CENPE: variants seen among roughly 807,000 people sequenced by gnomAD.
CENPE encodes centromere-associated protein E.
Under a neutral mutation model 336.1 loss-of-function variants are expected in CENPE, and 145 were observed. The ratio of observed to expected loss-of-function variants is 0.43; its 90% CI spans 0.38 to 0.50. The LOEUF is 0.50. CENPE is among the 20% of genes least tolerant of loss of function. The probability of loss-of-function intolerance (pLI) is 0.00; values close to 1 mark genes in which losing one functional copy is unlikely to be tolerated. For synonymous variants in CENPE, 1,013 were observed against 984.8 expected, an observed-to-expected ratio of 1.03 and a Z score of -0.54; for missense variants, 2,719 against 3,023.3, an observed-to-expected ratio of 0.90 and a Z score of 2.36.
intron 8 of CENPE, among the ~76,000 whole-genome samples, chr4:103,188,451 C>T (rs928764448): frequency 7.9e-5 from 12 of 152,142 alleles, no homozygotes; most frequent in Non-Finnish European, 1.6e-4. Context: ...TCTCTCAGAC[C>T]ACAGTGCAAT....
intron 3 of CENPE, 44 bp downstream of exon 3, chr4:103,196,119 C>A: frequency 6.3e-7 from 1 of 1,586,024 alleles, no homozygotes; most frequent in Non-Finnish European, 8.7e-7. Flanking sequence ...GTTGCACAGA[C>A]GCCCAAGACT....
At chr4:103,171,618 A>G (rs1318536326) in intron 16 of CENPE, among the ~76,000 whole-genome samples, 3 of 151,926 alleles carry the variant, frequency 2.0e-5, no homozygotes, top group Non-Finnish European at 4.4e-5. Context: ...AACAAGAACA[A>G]ACTAAACCCC....
At position 103,147,648 on chromosome 4, in the gene CENPE, T is replaced by G. The variant is rs1753171072; in HGVS notation, c.3844-2A>C. 1 of 1,599,548 alleles carries G rather than the reference T, an allele frequency of 6.3e-7. No individual in the cohort carries two copies. Among genetic ancestry groups the G allele is most frequent in the Non-Finnish European group, 8.5e-7 (1 of 1,175,662 alleles). On this transcript the variant is annotated splice_acceptor_variant, in intron 28 of 48. Coordinates refer to ENST00000265148, the MANE Select transcript of CENPE (RefSeq NM_001813.3). LOFTEE classifies it high-confidence loss of function. ...TTGTTCCTCATGAAGCACTGGGATC[T>G]TAGGACATTCATAAAATACCAAGGT... is the stretch of plus-strand genomic sequence containing the variant.
intron 9 of CENPE, among the ~76,000 whole-genome samples, chr4:103,183,968 T>C (rs1756538286): frequency 6.6e-6 from 1 of 152,220 alleles, no homozygotes; most frequent in Non-Finnish European, 1.5e-5. Flanking sequence ...TTTTCATTCT[T>C]TTTTAAAGTA....
intron 38 of CENPE, among the ~76,000 whole-genome samples, chr4:103,139,523 TAA>T (rs1002073571): frequency 6.6e-6 from 1 of 152,012 alleles, no homozygotes; most frequent in African/African-American, 2.4e-5. Context: ...ATCTCTTGAT[TAA>T]AAAAAACTTT....
chr4:103,154,849 G>T (rs1337700997), intron 24 of CENPE, among the ~76,000 whole-genome samples: 1 of 152,074 alleles, frequency 6.6e-6, no homozygotes, highest in Non-Finnish European at 1.5e-5. Context: ...TAAAAATACT[G>T]CATTTCCAGA....
In CENPE at chr4:103,147,588, G is replaced by C; in HGVS notation, c.3902C>G (p.Thr1301Ser). 1 of 1,613,678 alleles carries C rather than the reference G, an allele frequency of 6.2e-7. No homozygotes were observed. Among genetic ancestry groups the C allele is most frequent in the Non-Finnish European group, 8.5e-7 (1 of 1,179,996 alleles). Residue 1301 changes from threonine (T) to serine (S), a missense_variant, in exon 29 of 49, where the codon ACT (threonine) becomes AGT (serine). Physicochemically the swap from Thr to Ser is moderately conservative, Grantham distance 58. This residue lies in a region of CENPE where 2,437 missense variants were observed against 2,513.3 expected (regional missense o/e 0.97). Coordinates refer to ENST00000265148, the MANE Select transcript of CENPE (RefSeq NM_001813.3). The part of the protein sequence containing the change: ...LLPNVKEVSE[T>S]QETMNELELL... ...CTCCAGTTCATTCATTGTTTCCTGA[G>C]TCTCACTGACTTCTTTCACATTAGG...
At chr4:103,133,136 T>A (rs1036924722) in intron 41 of CENPE, among the ~76,000 whole-genome samples, 1 of 151,992 alleles carries the variant, frequency 6.6e-6, no homozygotes. Flanking sequence ...ATACATGATG[T>A]AACAGATTGT....
rs551747890 is a variant in CENPE, at chr4:103,127,310, G to A, written c.6925-4221C>T. ...GCTATTCAAGCTAGAAGACAGTGGA[G>A]TGAAAAAACATACTAACCTATAATT... On this transcript the variant is annotated intron_variant, in intron 42 of 48. Transcript: ENST00000265148. Among the ~76,000 whole-genome samples, 32 of 152,200 alleles carry A rather than the reference G, an allele frequency of 2.1e-4. 1 individual carries two copies. The South Asian group carries it at 6.4e-3, about 31-fold the overall frequency.
At chr4:103,160,903 G>A in intron 20 of CENPE, 124 bp from the exon 21 acceptor site, 1 of 986,548 alleles carries the variant, frequency 1.0e-6, no homozygotes, top group Non-Finnish European at 1.5e-6. Flanking sequence ...AATCCCTTAT[G>A]ATTTGAAACC....
chr4:103,108,884 A>C lies in CENPE; in HGVS notation c.7930T>G (p.Phe2644Val). The C allele has an allele frequency of 1.2e-6, 2 of 1,613,956 alleles. No homozygotes were observed. Among genetic ancestry groups the C allele is most frequent in the Non-Finnish European group, 8.5e-7 (1 of 1,179,856 alleles). ...AAAGACTTTGATCGGCTATCAAAAAAACAAGATTTTGGTGATTCCTTTGGC... is the reference window on the plus strand; with the variant it reads ...AAAGACTTTGATCGGCTATCAAAAACACAAGATTTTGGTGATTCCTTTGGC... ...PVPKESPKSC[F>V]FDSRSKSLPS... Residue 2644 changes from phenylalanine to valine, a missense_variant, in exon 48 of 49, where the codon TTT becomes GTT. By Grantham distance (50) the Phe-to-Val change is conservative. This residue lies in a region of CENPE where 2,437 missense variants were observed against 2,513.3 expected (regional missense o/e 0.97). Transcript: ENST00000265148.
chr4:103,133,790 G>A lies in CENPE; in HGVS notation c.6625C>T (p.Leu2209=). 1 of 1,609,134 alleles carries A rather than the reference G, an allele frequency of 6.2e-7. No individual in the cohort carries two copies. The highest frequency in any genetic ancestry group is 1.3e-5 in the African/African-American group (1 of 74,910). The part of the protein sequence containing the change: ...IDEVEKQKEL[L]IKIQHLQQDC... ...TGTTGAAGGTGCTGTATTTTAATTA[G>A]CAATTCCTTTTGCTTTTCCACTTCA... The change falls in exon 41 of 49, where the codon CTA becomes TTA. Residue 2209 remains leucine, a synonymous_variant. Coordinates refer to ENST00000265148, the MANE Select transcript of CENPE (RefSeq NM_001813.3).
chr4:103,109,179 G>T (rs1749170822), intron 47 of CENPE, 90 bp from the exon 48 acceptor site: 2 of 986,872 alleles, frequency 2.0e-6, no homozygotes, highest in South Asian at 2.2e-5. Flanking sequence ...AAAATAAATT[G>T]TGATGAAATA....
intron 16 of CENPE, among the ~76,000 whole-genome samples, chr4:103,169,921 G>A (rs539435951): frequency 2.0e-5 from 3 of 152,292 alleles, no homozygotes; most frequent in African/African-American, 4.8e-5. Flanking sequence ...AAGGAAATGT[G>A]GCACATATAC....
At chr4:103,130,476 A>G (rs1751490122) in intron 42 of CENPE, among the ~76,000 whole-genome samples, 1 of 152,212 alleles carries the variant, frequency 6.6e-6, no homozygotes, top group South Asian at 2.1e-4. Context: ...TACAAGATCT[A>G]TATGAGAAAA....
intron 16 of CENPE, among the ~76,000 whole-genome samples, chr4:103,170,874 A>C (rs1476657142): frequency 2.6e-5 from 4 of 152,158 alleles, no homozygotes; most frequent in African/African-American, 9.7e-5. Context: ...ATTGTAAGAG[A>C]GCAGGAGAAG....
chr4:103,175,562 G>A (rs1258044753), intron 15 of CENPE, among the ~76,000 whole-genome samples: 3 of 151,900 alleles, frequency 2.0e-5, no homozygotes, highest in Non-Finnish European at 2.9e-5. Context: ...AAGTAAACAC[G>A]GAATCTAAAC....
intron 9 of CENPE, among the ~76,000 whole-genome samples, 181 bp downstream of exon 9, chr4:103,185,625 AAATT>A (rs2126031575): frequency 6.6e-6 from 1 of 152,214 alleles, no homozygotes; most frequent in South Asian, 2.1e-4. Flanking sequence ...ACTAAAATAA[AAATT>A]AAGCAGATAC....
intron 24 of CENPE, among the ~76,000 whole-genome samples, chr4:103,153,946 A>G (rs1410257810): frequency 6.6e-6 from 1 of 152,122 alleles, no homozygotes; most frequent in African/African-American, 2.4e-5. Flanking sequence ...ATATATGTAT[A>G]TTTTATATAC....
Sources: gnomAD v4.1 joint callset for allele counts (sites outside exome capture counted in the v4.1 genomes callset) on GRCh38, gnomAD v4.1.1 for gene constraint, gnomAD v4.1.1 regional missense constraint, MANE v1.5 for transcripts, NCBI Gene and HGNC (gene_info 2026-07-23, HGNC 2026-07-21) for gene names.